The following COL9A1 variants were observed in gnomAD, a reference collection of about 807,000 sequenced individuals.
The protein encoded by COL9A1 is collagen alpha-1(IX) chain.
Under a neutral mutation model 142.6 loss-of-function variants are expected in COL9A1, and 104 were observed. That is an observed-to-expected ratio of 0.73 (90% CI 0.62 to 0.86). COL9A1 has a LOEUF of 0.86. Ranked by LOEUF, COL9A1 falls within the 40% of genes least tolerant of loss-of-function variation. The probability of loss-of-function intolerance (pLI) is 0.00; values close to 1 mark genes in which losing one functional copy is unlikely to be tolerated. For synonymous variants in COL9A1, 466 were observed against 396.0 expected (o/e 1.18, Z -2.10); for missense variants, 1,210 against 1,176.6 (o/e 1.03, Z -0.42).
rs2127608476 is a variant in COL9A1 at position 70,300,302 on chromosome 6, T to C, written c.166+7A>G. On this transcript the variant is annotated splice_region_variant and intron_variant, in intron 3 of 37. Coordinates refer to ENST00000357250, the MANE Select transcript of COL9A1 (RefSeq NM_001851.6). ...ATGCATTTTCAATAGGGTACATTGC[T>C]ACTCACCTGGTAAGTCATCTTGGCC... The C allele has an allele frequency of 6.2e-7, 1 of 1,611,938 alleles. No homozygotes were observed. Among genetic ancestry groups the C allele is most frequent in the Non-Finnish European group, 8.5e-7 (1 of 1,178,090 alleles).
At chr6:70,231,712 ACTTAAAAAAAAAAAAAACAACCCTCT>A (rs1329072102) in intron 36 of COL9A1, among the ~76,000 whole-genome samples, 1 of 123,246 alleles carries the variant, frequency 8.1e-6, no homozygotes. Flanking sequence ...GCACCGCAGT[ACTTAAAAAAAAAAAAAACAACCCTCT>A]CTTGTTTCTG....
intron 13 of COL9A1, among the ~76,000 whole-genome samples, 169 bp from the exon 14 acceptor site, chr6:70,271,877 A>C (rs1772423647): frequency 6.6e-6 from 1 of 152,220 alleles, no homozygotes; most frequent in Non-Finnish European, 1.5e-5. Flanking sequence ...TACAGCAGAA[A>C]TTTCCTAAAT....
intron 18 of COL9A1, among the ~76,000 whole-genome samples, chr6:70,264,868 C>A (rs1443804321): frequency 6.6e-6 from 1 of 152,068 alleles, no homozygotes; most frequent in South Asian, 2.1e-4. Flanking sequence ...TAAAGATCTT[C>A]ATTAACTAAT....
intron 28 of COL9A1, among the ~76,000 whole-genome samples, chr6:70,247,228 T>C (rs1770661774): frequency 1.3e-5 from 2 of 152,240 alleles, no homozygotes. Flanking sequence ...GCAACTTCTT[T>C]ATAAACAAGT....
At position 70,216,750 on chromosome 6, in the gene COL9A1, A is replaced by C. The variant is rs1316582199; in HGVS notation, c.*147T>G. On this transcript the variant is annotated 3_prime_UTR_variant, in exon 38 of 38. Transcript: ENST00000357250. The stretch of plus-strand genomic sequence containing the variant: ...CACCGTTCTTCTATATGTGATTGTC[A>C]AGTAGGACTTCTGTAATCATACTGA... 2.4e-6 allele frequency: 2 copies of C among 828,004 alleles called. No homozygotes were observed. The highest frequency in any genetic ancestry group is 3.4e-5 in the African/African-American group (2 of 59,060). 51.3% of individuals were successfully genotyped at this position (828,004 alleles called of 1,614,324 possible).
intron 33 of COL9A1, among the ~76,000 whole-genome samples, chr6:70,236,258 A>AT (rs373453974): frequency 0.011 from 1,646 of 151,314 alleles, 31 homozygotes; most frequent in African/African-American, 0.037. Flanking sequence ...TACAAGTTAG[A>AT]TTTTTTTTTA....
chr6:70,290,238 C>G (rs1009978842), intron 5 of COL9A1, among the ~76,000 whole-genome samples: 1 of 152,130 alleles, frequency 6.6e-6, no homozygotes, highest in Non-Finnish European at 1.5e-5. Flanking sequence ...CAAAATAATT[C>G]TCCTAGGCTA....
rs34962262 is a variant in COL9A1, at chr6:70,281,300, GAA to G, written c.876+88_876+89del. 6.5e-3 allele frequency: 7,056 copies of G among 1,086,040 alleles called. 2 individuals are homozygous for G. The highest frequency in any genetic ancestry group is 0.021 in the East Asian group (674 of 31,816). 67.3% of individuals were successfully genotyped at this position (1,086,040 alleles called of 1,614,324 possible). On this transcript the variant is annotated intron_variant, in intron 8 of 37. Transcript: ENST00000357250. ...GGAAGGGGAGACCCTGGTCCTCTCT[GAA>G]AAAAAAAAAAACCCCACAGGAGCCC...
intron 13 of COL9A1, 87 bp downstream of exon 13, chr6:70,271,978 G>T: frequency 1.5e-6 from 2 of 1,336,842 alleles, no homozygotes; most frequent in South Asian, 1.2e-5. Context: ...CCACTGAGTA[G>T]ACCGTTAGTA....
intron 10 of COL9A1, chr6:70,280,518 C>T: frequency 1.5e-6 from 2 of 1,362,300 alleles, no homozygotes; most frequent in Non-Finnish European, 1.9e-6. Context: ...GCTGAGAGTT[C>T]ACAGCGTGCA....
At chr6:70,235,488 C>T (rs910310201) in intron 33 of COL9A1, among the ~76,000 whole-genome samples, 14 of 151,894 alleles carry the variant, frequency 9.2e-5, no homozygotes, top group Admixed American at 8.5e-4. Context: ...ATCTTTCTTT[C>T]GGGGATAGTT....
intron 5 of COL9A1, among the ~76,000 whole-genome samples, chr6:70,293,404 C>T (rs562501865): frequency 2.0e-5 from 3 of 152,146 alleles, no homozygotes; most frequent in Non-Finnish European, 4.4e-5. Context: ...ATTGTGTCAA[C>T]ATGTAATTCC....
chr6:70,237,403 A>G (rs572011286), intron 33 of COL9A1, among the ~76,000 whole-genome samples: 12 of 152,370 alleles, frequency 7.9e-5, no homozygotes, highest in Admixed American at 7.8e-4. Context: ...GTCTATGCTG[A>G]AATCAATGAA....
intron 37 of COL9A1, among the ~76,000 whole-genome samples, chr6:70,221,557 G>T (rs1189306362): frequency 6.6e-6 from 1 of 152,148 alleles, no homozygotes; most frequent in African/African-American, 2.4e-5. Context: ...TCACCTTTCT[G>T]TGGACTTTGC....
chr6:70,268,277 C>T (rs1189906371), intron 17 of COL9A1, among the ~76,000 whole-genome samples: 2 of 151,722 alleles, frequency 1.3e-5, no homozygotes, highest in African/African-American at 4.8e-5. Flanking sequence ...TGCAGTGGCA[C>T]AATCATAGCT....
In COL9A1 at chr6:70,300,107, C is replaced by G; in HGVS notation, c.235G>C (p.Gly79Arg). 6.2e-7 allele frequency: 1 copy of G among 1,613,684 alleles called. No homozygotes were observed. ...TAAGCCACCTGCAATGTAGCTGATC[C>G]CACTACTCTCTGGATAGCTCTTCTA... ...ASRRAIQRVV[G>R]SATLQVAYKL... The change falls in exon 4 of 38, where the codon GGA becomes CGA. Residue 79 changes from glycine (G) to arginine (R), a missense_variant. By Grantham distance (125) the Gly-to-Arg change is moderately radical. Coordinates refer to ENST00000357250, the MANE Select transcript of COL9A1 (RefSeq NM_001851.6).
intron 4 of COL9A1, 98 bp from the exon 5 acceptor site, chr6:70,294,661 A>G (rs1302747011): frequency 7.8e-6 from 9 of 1,151,460 alleles, no homozygotes; most frequent in Middle Eastern, 2.5e-4. Flanking sequence ...TGCCAGACCT[A>G]TAGAAAAGCT....
At chr6:70,237,901 G>A (rs569884549) in intron 33 of COL9A1, among the ~76,000 whole-genome samples, 1 of 152,298 alleles carries the variant, frequency 6.6e-6, no homozygotes, top group South Asian at 2.1e-4. Context: ...GTGAAGCTGA[G>A]GATAGATCGA....
rs567191632 is a variant in COL9A1, at chr6:70,243,591, G to A, written c.1873-876C>T. Reference sequence around the variant, plus strand: ...TGCCCAGGCTGGAGTGCAGTGGTGCGATCTCAGCTCACTGCAACCTCCATC... The same window carrying A: ...TGCCCAGGCTGGAGTGCAGTGGTGCAATCTCAGCTCACTGCAACCTCCATC... On this transcript the variant is annotated intron_variant, in intron 28 of 37. Transcript: ENST00000357250. Among the ~76,000 whole-genome samples, 10 of 151,998 alleles carry A rather than the reference G, an allele frequency of 6.6e-5. No homozygotes were observed. In the South Asian group the frequency reaches 1.7e-3, roughly 25 times the overall value.
Sources: gnomAD v4.1 joint callset for allele counts (sites outside exome capture counted in the v4.1 genomes callset) on GRCh38, gnomAD v4.1.1 for gene constraint, MANE v1.5 for transcripts, NCBI Gene and HGNC (gene_info 2026-07-23, HGNC 2026-07-21) for gene names.